MTREX: variants seen among roughly 807,000 people sequenced by gnomAD.
MTREX encodes exosome RNA helicase MTR4.
In MTREX, 76 loss-of-function variants were observed where a neutral mutation model predicts 135.4. The observed-to-expected ratio is 0.56, with a 90% CI of 0.47 to 0.68. The LOEUF is 0.68. Ranked by LOEUF, MTREX falls within the 30% of genes least tolerant of loss-of-function variation. The pLI is 0.00. For synonymous variants in MTREX, 404 were observed against 401.6 expected (o/e 1.01, Z -0.07); for missense variants, 920 against 1,262.1 (o/e 0.73, Z 4.11).
intron 22 of MTREX, among the ~76,000 whole-genome samples, chr5:55,407,188 G>T (rs1294457378): frequency 6.6e-6 from 1 of 152,190 alleles, no homozygotes; most frequent in Non-Finnish European, 1.5e-5. Flanking sequence ...TCGTTCATCT[G>T]TCCAGATGTT....
In MTREX at chr5:55,347,149, T is replaced by G. The variant is rs1561193248; in HGVS notation, c.1240+5T>G. ...CCAAATTAGATTTCAACACAGGTAC[T>G]ACATCATTTCAGTATCATTTTAATG... is the stretch of plus-strand genomic sequence containing the variant. On this transcript the variant is annotated splice_donor_5th_base_variant and intron_variant, in intron 11 of 26. Coordinates refer to ENST00000230640, the MANE Select transcript of MTREX (RefSeq NM_015360.5). 2 of 1,591,018 alleles carry G rather than the reference T, an allele frequency of 1.3e-6. No individual in the cohort carries two copies. Among genetic ancestry groups the G allele is most frequent in the Non-Finnish European group, 1.7e-6 (2 of 1,170,264 alleles).
intron 18 of MTREX, among the ~76,000 whole-genome samples, chr5:55,382,814 A>G (rs986859503): frequency 6.6e-6 from 1 of 152,044 alleles, no homozygotes; most frequent in Admixed American, 6.6e-5. Flanking sequence ...TTGTATTTTT[A>G]GTAGAGACAG....
chr5:55,332,771 A>G (rs982318658), intron 5 of MTREX, among the ~76,000 whole-genome samples: 1 of 152,176 alleles, frequency 6.6e-6, no homozygotes, highest in Non-Finnish European at 1.5e-5. Context: ...TCCAAATACC[A>G]TTACTTTGGC....
At chr5:55,330,701 G>A (rs894433459) in intron 5 of MTREX, among the ~76,000 whole-genome samples, 10 of 151,160 alleles carry the variant, frequency 6.6e-5, no homozygotes, top group African/African-American at 2.2e-4. Flanking sequence ...TGAGTTTGTA[G>A]GGTTTCTTAG....
Position 55,350,944 on chromosome 5 carries a change from A to G in MTREX, c.1346A>G (p.Lys449Arg), listed in dbSNP as rs148783802. Reference protein sequence around the residue: ...PQVEHVLPLLKRGIGIHHGGL... With the variant: ...PQVEHVLPLLRRGIGIHHGGL... The stretch of plus-strand genomic sequence containing the variant: ...GTAGAACATGTACTTCCTCTTTTGA[A>G]GAGGGGAATTGGTATTCACCATGGT... The change falls in exon 13 of 27, where the codon AAG becomes AGG. Residue 449 changes from lysine to arginine, a missense_variant. Physicochemically the swap from Lys to Arg is conservative, Grantham distance 26 (BLOSUM62 2). Coordinates refer to ENST00000230640, the MANE Select transcript of MTREX (RefSeq NM_015360.5). 1.1e-4 allele frequency: 181 copies of G among 1,605,014 alleles called. No homozygotes were observed. Among genetic ancestry groups the G allele is most frequent in the Middle Eastern group, 1.7e-4 (1 of 6,034 alleles).
chr5:55,346,494 C>T (rs765806038), intron 10 of MTREX, among the ~76,000 whole-genome samples: 3 of 152,098 alleles, frequency 2.0e-5, no homozygotes, highest in Non-Finnish European at 2.9e-5. Flanking sequence ...AATTTTTCCA[C>T]GATACTTAGT....
At chr5:55,313,129 C>T (rs1031428322) in intron 1 of MTREX, among the ~76,000 whole-genome samples, 5 of 151,938 alleles carry the variant, frequency 3.3e-5, no homozygotes, top group Non-Finnish European at 2.9e-5. Context: ...TATCATTTCT[C>T]GGTTTTGTTG....
intron 16 of MTREX, among the ~76,000 whole-genome samples, chr5:55,370,304 C>G: frequency 6.6e-6 from 1 of 152,188 alleles, no homozygotes; most frequent in East Asian, 1.9e-4. Context: ...ATATCTCTGG[C>G]TGCAGTCCTC....
chr5:55,395,378 C>T (rs1001256242), intron 19 of MTREX, among the ~76,000 whole-genome samples: 2 of 152,080 alleles, frequency 1.3e-5, no homozygotes, highest in East Asian at 1.9e-4. Context: ...TGCACTCCAG[C>T]CTGGGCGACA....
chr5:55,412,229 C>A (rs955698684), intron 23 of MTREX, among the ~76,000 whole-genome samples: 1 of 152,074 alleles, frequency 6.6e-6, no homozygotes, highest in African/African-American at 2.4e-5. Flanking sequence ...CCAAAAAGAA[C>A]ATTGTCTTCT....
intron 1 of MTREX, among the ~76,000 whole-genome samples, chr5:55,312,920 G>T (rs1033389926): frequency 6.6e-6 from 1 of 152,124 alleles, no homozygotes; most frequent in Non-Finnish European, 1.5e-5. Flanking sequence ...CATCTCTAAG[G>T]AGTCTCTAAT....
intron 17 of MTREX, 29 bp from the exon 18 acceptor site, chr5:55,379,098 C>T (rs1391895369): frequency 6.5e-7 from 1 of 1,529,010 alleles, no homozygotes; most frequent in Non-Finnish European, 9.0e-7. Flanking sequence ...ACATTTGATT[C>T]TTGCTTACTT....
intron 18 of MTREX, among the ~76,000 whole-genome samples, chr5:55,386,989 T>C (rs1308493664): frequency 2.0e-5 from 3 of 152,154 alleles, no homozygotes; most frequent in Non-Finnish European, 2.9e-5. Flanking sequence ...TGACTGAACA[T>C]AATCTTTGCA....
chr5:55,349,809 C>T (rs1406342637), intron 12 of MTREX, among the ~76,000 whole-genome samples, 157 bp downstream of exon 12: 1 of 152,114 alleles, frequency 6.6e-6, no homozygotes, highest in African/African-American at 2.4e-5. Flanking sequence ...TTACTTTAAA[C>T]TTCAAAAAGG....
At chr5:55,325,677 C>T (rs138042914) in intron 3 of MTREX, among the ~76,000 whole-genome samples, 101 of 151,860 alleles carry the variant, frequency 6.7e-4, no homozygotes, top group Non-Finnish European at 1.3e-3. Flanking sequence ...ATGGGTATAT[C>T]GTGTAATGCT....
At chr5:55,366,375 G>A (rs559238143) in intron 15 of MTREX, among the ~76,000 whole-genome samples, 2 of 152,034 alleles carry the variant, frequency 1.3e-5, no homozygotes, top group African/African-American at 2.4e-5. Flanking sequence ...TTGTAATCAC[G>A]GCTGCTCAGG....
At chr5:55,385,674 C>T (rs1750466751) in intron 18 of MTREX, among the ~76,000 whole-genome samples, 1 of 151,996 alleles carries the variant, frequency 6.6e-6, no homozygotes, top group African/African-American at 2.4e-5. Context: ...GGACTGTTTC[C>T]AGAAAATTTA....
intron 19 of MTREX, among the ~76,000 whole-genome samples, chr5:55,393,909 GTTAGGGAACTC>G (rs964666223): frequency 6.6e-6 from 1 of 152,104 alleles, no homozygotes; most frequent in African/African-American, 2.4e-5. Flanking sequence ...CATGTTTCTA[GTTAGGGAACTC>G]TTAGGATTTC....
Position 55,308,144 on chromosome 5 carries a change from C to T in MTREX, c.131C>T (p.Ala44Val). Residue 44 changes from alanine to valine, a missense_variant, in exon 1 of 27, where the codon GCA becomes GTA. Ala to Val is a moderately conservative substitution (Grantham distance 64). This residue lies in a region of MTREX where 136 missense variants were observed against 126.7 expected (regional missense o/e 1.07). Transcript: ENST00000230640. The stretch of plus-strand genomic sequence containing the variant: ...GGGCCTCCAGGGTCTGCAGACAAGG[C>T]AGGGTAAGGAAGAAGTTCCAGTTGT... Reference protein sequence around the residue: ...WKGPPGSADKAGKRFDGKLQS... With the variant: ...WKGPPGSADKVGKRFDGKLQS... 6.3e-7 allele frequency: 1 copy of T among 1,591,178 alleles called. No individual in the cohort carries two copies. The highest frequency in any genetic ancestry group is 2.3e-5 in the East Asian group (1 of 43,874).
Sources: gnomAD v4.1 joint callset for allele counts (sites outside exome capture counted in the v4.1 genomes callset) on GRCh38, gnomAD v4.1.1 for gene constraint, gnomAD v4.1.1 regional missense constraint, MANE v1.5 for transcripts, NCBI Gene and HGNC (gene_info 2026-07-23, HGNC 2026-07-21) for gene names.